The following DTNB variants were observed in gnomAD, a reference collection of about 807,000 sequenced individuals.
DTNB encodes the protein dystrobrevin beta.
In DTNB, 63 loss-of-function variants were observed where a neutral mutation model predicts 90.7. The observed-to-expected ratio is 0.69, with a 90% CI of 0.57 to 0.86. The LOEUF is 0.86. Among genes scored for constraint, DTNB ranks in the 40% least tolerant of loss-of-function variants. The pLI is 0.00. For missense variants in DTNB, 744 were observed against 807.1 expected, an observed-to-expected ratio of 0.92 and a Z score of 0.95; for synonymous variants, 277 against 286.7, an observed-to-expected ratio of 0.97 and a Z score of 0.34.
At chr2:25,662,697 C>CACACAT (rs2083494101) in intron 1 of DTNB, among the ~76,000 whole-genome samples, 1 of 150,612 alleles carries the variant, frequency 6.6e-6, no homozygotes, top group Non-Finnish European at 1.5e-5. Context: ...CACACACACA[C>CACACAT]ACACACACAC....
chr2:25,652,965 T>C lies in DTNB; in HGVS notation c.-1-304A>G, dbSNP rs75893704. 112 of 229,468 alleles carry C rather than the reference T, an allele frequency of 4.9e-4. 1 individual carries two copies. The East Asian group carries it at 9.4e-3, about 19-fold the overall frequency. 14.2% of individuals were successfully genotyped at this position (229,468 alleles called of 1,614,324 possible). A position where few individuals can be genotyped will look rare whatever the true frequency, so the allele number is the denominator to read the frequency against. ...TTTTCTCTGCAGAGTCCTGGATTAG[T>C]TGAGGTAACTTCCCATATCTCTACT... On this transcript the variant is annotated intron_variant, in intron 1 of 20. Transcript: ENST00000406818.
At chr2:25,394,440 G>C (rs2041923617) in intron 16 of DTNB, among the ~76,000 whole-genome samples, 1 of 151,864 alleles carries the variant, frequency 6.6e-6, no homozygotes, top group Non-Finnish European at 1.5e-5. Flanking sequence ...GAAATAATCA[G>C]CAAAGTTAAC....
intron 16 of DTNB, 84 bp from the exon 17 acceptor site, chr2:25,388,445 C>A: frequency 6.8e-7 from 1 of 1,472,846 alleles, no homozygotes; most frequent in South Asian, 1.4e-5. Flanking sequence ...CTCCATCAAC[C>A]AGAGCCAGCC....
chr2:25,613,818 C>T (rs1052762776), intron 4 of DTNB, among the ~76,000 whole-genome samples: 1 of 152,026 alleles, frequency 6.6e-6, no homozygotes, highest in East Asian at 1.9e-4. Flanking sequence ...ATTAGCCGGG[C>T]GTGGTGGCGC....
At chr2:25,566,305 C>T (rs575446634) in intron 8 of DTNB, among the ~76,000 whole-genome samples, 2 of 152,114 alleles carry the variant, frequency 1.3e-5, no homozygotes, top group African/African-American at 2.4e-5. Context: ...ACAAATTGTG[C>T]GAACAGGGAG....
intron 12 of DTNB, among the ~76,000 whole-genome samples, chr2:25,434,893 T>A (rs2055182828): frequency 6.6e-6 from 1 of 152,224 alleles, no homozygotes; most frequent in Non-Finnish European, 1.5e-5. Context: ...CTTTTTATTT[T>A]TTATTTACTT....
intron 3 of DTNB, among the ~76,000 whole-genome samples, chr2:25,629,220 C>A (rs1167975487): frequency 6.6e-6 from 1 of 152,114 alleles, no homozygotes; most frequent in Non-Finnish European, 1.5e-5. Flanking sequence ...CAAAATTCTA[C>A]ACCTAGTATA....
intron 12 of DTNB, 21 bp from the exon 13 acceptor site, chr2:25,434,016 G>C: frequency 1.9e-6 from 3 of 1,582,622 alleles, no homozygotes; most frequent in Non-Finnish European, 2.6e-6. Context: ...GAAGTCGGGA[G>C]AAAGTTTTTT....
At chr2:25,622,771 A>C (rs2073096182) in intron 4 of DTNB, among the ~76,000 whole-genome samples, 1 of 152,186 alleles carries the variant, frequency 6.6e-6, no homozygotes, top group South Asian at 2.1e-4. Context: ...ACAGAACAAC[A>C]TACACCAGGT....
Position 25,485,819 on chromosome 2 carries a change from T to TA in DTNB, c.1002-2947dup, listed in dbSNP as rs962532310. On this transcript the variant is annotated intron_variant, in intron 9 of 20. Coordinates refer to ENST00000406818, the MANE Select transcript of DTNB (RefSeq NM_021907.5). Reference sequence around the variant, plus strand: ...AGTGAGACCCTGTCTTCACAAAAATTAAAAAAAAAAAATTAGCCTGCTGGC... The same window carrying TA: ...AGTGAGACCCTGTCTTCACAAAAATTAAAAAAAAAAAAATTAGCCTGCTGGC... 8.8e-3 allele frequency among the ~76,000 whole-genome samples: 1,292 copies of TA among 146,192 alleles called. 26 individuals carry two copies. Among genetic ancestry groups the TA allele is most frequent in the African/African-American group, 0.03 (1,203 of 40,076 alleles).
intron 3 of DTNB, among the ~76,000 whole-genome samples, chr2:25,634,804 A>T (rs1330307169): frequency 8.8e-6 from 1 of 113,510 alleles, no homozygotes; most frequent in Non-Finnish European, 2.1e-5. Context: ...ACTCAGGGTT[A>T]AATGGATTAA....
chr2:25,610,469 T>C lies in DTNB; in HGVS notation c.363-3148A>G, dbSNP rs190131348. Among the ~76,000 whole-genome samples the C allele has an allele frequency of 2.9e-3, 447 of 152,362 alleles. 6 individuals are homozygous for C. The highest frequency in any genetic ancestry group is 1.2e-3 in the Non-Finnish European group (84 of 68,034). ...TAACCATGATCAACGATTATGCCTT[T>C]AGTTAATTCTGTATGGTATCCTTTT... On this transcript the variant is annotated intron_variant, in intron 4 of 20. Coordinates refer to ENST00000406818, the MANE Select transcript of DTNB (RefSeq NM_021907.5).
At position 25,475,376 on chromosome 2, in the gene DTNB, C is replaced by T. The variant is rs529789090; in HGVS notation, c.1079+7420G>A. On this transcript the variant is annotated intron_variant, in intron 10 of 20. Transcript: ENST00000406818. ...AGCCAAAGTCTCATCCAGGAAGGCCCTAACTCTCTTCAATTCTATGAAGGC... is the reference window on the plus strand; with the variant it reads ...AGCCAAAGTCTCATCCAGGAAGGCCTTAACTCTCTTCAATTCTATGAAGGC... Among the ~76,000 whole-genome samples, 6 of 152,362 alleles carry T rather than the reference C, an allele frequency of 3.9e-5. No individual in the cohort carries two copies. The East Asian group carries it at 1.2e-3, about 29-fold the overall frequency.
chr2:25,496,706 G>A (rs866196134), intron 9 of DTNB, among the ~76,000 whole-genome samples: 45 of 152,112 alleles, frequency 3.0e-4, no homozygotes, highest in African/African-American at 9.9e-4. Context: ...AGCCAGGCAT[G>A]GTGGTGGGTG....
intron 3 of DTNB, among the ~76,000 whole-genome samples, chr2:25,637,889 G>T (rs1277666473): frequency 1.3e-5 from 2 of 152,096 alleles, no homozygotes; most frequent in Admixed American, 6.6e-5. Flanking sequence ...AAATCAGGCT[G>T]CTATAAAGAC....
At chr2:25,467,987 A>G (rs961993326) in intron 10 of DTNB, among the ~76,000 whole-genome samples, 1 of 152,094 alleles carries the variant, frequency 6.6e-6, no homozygotes, top group Non-Finnish European at 1.5e-5. Flanking sequence ...TAGTTTGCCA[A>G]CCGCTGCCCT....
intron 3 of DTNB, among the ~76,000 whole-genome samples, chr2:25,635,063 T>TA (rs1353980667): frequency 2.5e-5 from 3 of 121,254 alleles, no homozygotes; most frequent in African/African-American, 9.5e-5. Flanking sequence ...TAAAAAAAAA[T>TA]AAAAAAATAA....
intron 1 of DTNB, among the ~76,000 whole-genome samples, chr2:25,655,222 C>T (rs553824685): frequency 6.6e-6 from 1 of 152,338 alleles, no homozygotes; most frequent in African/African-American, 2.4e-5. Context: ...TCTGAACCTT[C>T]TAGGCCAGAA....
At chr2:25,627,958 C>T (rs371075655) in intron 4 of DTNB, among the ~76,000 whole-genome samples, 27 of 152,100 alleles carry the variant, frequency 1.8e-4, no homozygotes, top group African/African-American at 6.3e-4. Flanking sequence ...GGATGGTCTC[C>T]ATCTCCTGAC....
Sources: gnomAD v4.1 joint callset for allele counts (sites outside exome capture counted in the v4.1 genomes callset) on GRCh38, gnomAD v4.1.1 for gene constraint, MANE v1.5 for transcripts, NCBI Gene and HGNC (gene_info 2026-07-23, HGNC 2026-07-21) for gene names.